Variants in TRMT9B observed in about 807,000 individuals in gnomAD.
The protein encoded by TRMT9B is probable tRNA methyltransferase 9B.
TRMT9B carries 16 observed loss-of-function variants against 11.5 expected under a neutral mutation model. That is an observed-to-expected ratio of 1.39 (90% CI 0.94 to 2.11). The LOEUF (loss-of-function observed/expected upper bound fraction) is 2.11. Ranked by LOEUF, TRMT9B falls within the 30% of genes most tolerant of loss-of-function variation. The pLI is 0.00. For missense variants in TRMT9B, 941 were observed against 553.8 expected, an observed-to-expected ratio of 1.70 and a Z score of -7.02; for synonymous variants, 274 against 192.4, an observed-to-expected ratio of 1.42 and a Z score of -3.51.
At chr8:12,952,273 C>T (rs1387553719) in intron 1 of TRMT9B, 4 of 404,504 alleles carry the variant, frequency 9.9e-6, no homozygotes, top group Admixed American at 2.6e-5. Flanking sequence ...AGATCCGCTG[C>T]CTCGGCGCCC....
intron 1 of TRMT9B, among the ~76,000 whole-genome samples, chr8:12,986,799 G>C (rs776010625): frequency 6.6e-6 from 1 of 152,014 alleles, no homozygotes; most frequent in Non-Finnish European, 1.5e-5. Flanking sequence ...TATTAATTTG[G>C]TTCTTTCTCC....
intron 4 of TRMT9B, among the ~76,000 whole-genome samples, chr8:13,018,416 C>T (rs1185052404): frequency 1.4e-5 from 2 of 140,138 alleles, no homozygotes; most frequent in Non-Finnish European, 3.1e-5. Context: ...AAAACGACAA[C>T]AAAGAAAAAA....
intron 4 of TRMT9B, 101 bp downstream of exon 4, chr8:13,012,958 AT>A: frequency 7.6e-7 from 1 of 1,316,778 alleles, no homozygotes; most frequent in Non-Finnish European, 9.9e-7. Context: ...AGAAATGTCA[AT>A]GTAATTTATT....
intron 1 of TRMT9B, among the ~76,000 whole-genome samples, chr8:12,979,929 A>G (rs935553102): frequency 2.6e-5 from 4 of 152,190 alleles, no homozygotes; most frequent in African/African-American, 7.2e-5. Flanking sequence ...TCTGAGAAGG[A>G]CAAGGGCCCC....
chr8:12,986,433 C>T (rs755857261), intron 1 of TRMT9B, among the ~76,000 whole-genome samples: 5 of 152,048 alleles, frequency 3.3e-5, no homozygotes, highest in East Asian at 1.9e-4. Context: ...AAAGTGCTGC[C>T]GTCAATTATG....
At chr8:13,008,219 A>G (rs1026359736) in intron 3 of TRMT9B, among the ~76,000 whole-genome samples, 1 of 152,360 alleles carries the variant, frequency 6.6e-6, no homozygotes, top group African/African-American at 2.4e-5. Flanking sequence ...TCTTTCGTGA[A>G]CAAAGCTTAT....
chr8:13,004,886 A>G (rs1053568303), intron 2 of TRMT9B, among the ~76,000 whole-genome samples: 2 of 151,996 alleles, frequency 1.3e-5, no homozygotes, highest in African/African-American at 4.8e-5. Flanking sequence ...GAAGGGCTGC[A>G]TCTCATGGCT....
At position 13,029,154 on chromosome 8, in the gene TRMT9B, C is replaced by A. The variant is rs563922667; in HGVS notation, c.*7110C>A. 6.0e-6 allele frequency: 1 copy of A among 166,648 alleles called. No individual in the cohort carries two copies. The highest frequency in any genetic ancestry group is 1.5e-5 in the Non-Finnish European group (1 of 68,056). 10.3% of individuals were successfully genotyped at this position (166,648 alleles called of 1,614,324 possible). ...GTGAATACATCAAATTAGCAATTAC[C>A]ATAGAAATGTATTTCATTGAATAAA... On this transcript the variant is annotated 3_prime_UTR_variant, in exon 5 of 5. Coordinates refer to ENST00000524591, the MANE Select transcript of TRMT9B (RefSeq NM_020844.3).
chr8:12,966,406 A>G (rs926827284), intron 1 of TRMT9B, among the ~76,000 whole-genome samples: 28 of 152,166 alleles, frequency 1.8e-4, no homozygotes, highest in African/African-American at 6.8e-4. Context: ...CTTTATTGAT[A>G]ACCCCTATGT....
chr8:12,975,627 A>G (rs1268363517), intron 1 of TRMT9B, among the ~76,000 whole-genome samples: 1 of 152,180 alleles, frequency 6.6e-6, no homozygotes, highest in African/African-American at 2.4e-5. Context: ...AATCCCAGCT[A>G]CTTTGGAAGC....
At chr8:13,009,254 G>A (rs977770581) in intron 3 of TRMT9B, among the ~76,000 whole-genome samples, 1 of 151,988 alleles carries the variant, frequency 6.6e-6, no homozygotes, top group Non-Finnish European at 1.5e-5. Context: ...CTGGGGTGTC[G>A]AAGCGGGTGG....
chr8:12,953,373 G>A (rs901158262), intron 1 of TRMT9B, among the ~76,000 whole-genome samples: 3 of 152,052 alleles, frequency 2.0e-5, no homozygotes, highest in Non-Finnish European at 4.4e-5. Flanking sequence ...TGTTTGAGAT[G>A]GAGCCTCACT....
At chr8:12,968,684 G>T (rs533144168) in intron 1 of TRMT9B, among the ~76,000 whole-genome samples, 1 of 152,328 alleles carries the variant, frequency 6.6e-6, no homozygotes, top group African/African-American at 2.4e-5. Context: ...AGCCTGAGCA[G>T]CTGGCAGTCC....
chr8:12,985,900 A>AAAAAT (rs1806212035), intron 1 of TRMT9B, among the ~76,000 whole-genome samples: 1 of 151,930 alleles, frequency 6.6e-6, no homozygotes, highest in Non-Finnish European at 1.5e-5. Context: ...TCACTCTGTC[A>AAAAAT]CCCAGGCTTG....
chr8:13,002,713 A>G (rs1469683541), intron 2 of TRMT9B, among the ~76,000 whole-genome samples: 1 of 152,218 alleles, frequency 6.6e-6, no homozygotes, highest in Non-Finnish European at 1.5e-5. Flanking sequence ...TAATTGGGGC[A>G]AGAATCATTG....
In TRMT9B at chr8:13,023,076, A is replaced by T. The variant is rs771006558; in HGVS notation, c.*1032A>T. On this transcript the variant is annotated 3_prime_UTR_variant, in exon 5 of 5. Coordinates refer to ENST00000524591, the MANE Select transcript of TRMT9B (RefSeq NM_020844.3). ...AGTTATATGCAAGTACCCAAGTGGT[A>T]TTCTTCCAATCTTATTAGAAGCATG... The T allele has an allele frequency of 1.2e-5, 2 of 167,128 alleles. No homozygotes were observed. The highest frequency in any genetic ancestry group is 2.9e-5 in the Non-Finnish European group (2 of 68,126). The allele number at this position is 167,128 out of a possible 1,614,324, so 10.4% of individuals were successfully genotyped here.
rs1277305151 is a variant in TRMT9B at position 13,011,784 on chromosome 8, C to T, written c.155-900C>T. On this transcript the variant is annotated intron_variant, in intron 3 of 4. Transcript: ENST00000524591. ...TAGTTTTTATAATCTGAGTTGTATA[C>T]TGGACCCATAGAGATCATTTTAAAT... 4 of 953,214 alleles carry T rather than the reference C, an allele frequency of 4.2e-6. No homozygotes were observed. The African/African-American group carries it at 5.3e-5, about 13-fold the overall frequency. 59.0% of individuals were successfully genotyped at this position (953,214 alleles called of 1,614,324 possible). A position where few individuals can be genotyped will look rare whatever the true frequency, so the allele number is the denominator to read the frequency against.
chr8:13,006,767 C>G (rs141939360), intron 3 of TRMT9B: 5 of 639,200 alleles, frequency 7.8e-6, no homozygotes, highest in Non-Finnish European at 1.1e-5. Context: ...CTCCCAGGTT[C>G]AACTGATTCT....
chr8:12,947,505 C>T (rs187381527), intron 1 of TRMT9B, among the ~76,000 whole-genome samples: 33 of 152,316 alleles, frequency 2.2e-4, no homozygotes, highest in Middle Eastern at 3.4e-3. Flanking sequence ...CCTTAGACCA[C>T]GTCCTTGAAT....
Sources: gnomAD v4.1 joint callset for allele counts (sites outside exome capture counted in the v4.1 genomes callset) on GRCh38, gnomAD v4.1.1 for gene constraint, MANE v1.5 for transcripts, NCBI Gene and HGNC (gene_info 2026-07-23, HGNC 2026-07-21) for gene names.